Variants in ACOT7 observed in about 807,000 individuals in gnomAD.
ACOT7 encodes cytosolic acyl coenzyme A thioester hydrolase.
A neutral mutation model predicts 40.2 loss-of-function variants in ACOT7; 12 were observed. The observed-to-expected ratio is 0.30, with a 90% CI of 0.19 to 0.48. ACOT7 has a LOEUF of 0.48. Ranked by LOEUF, ACOT7 falls within the 20% of genes least tolerant of loss-of-function variation. The pLI is 0.99. For missense variants in ACOT7, 395 were observed against 530.8 expected (o/e 0.74, Z 2.51); for synonymous variants, 228 against 219.5 (o/e 1.04, Z -0.34).
chr1:6,377,269 C>T (rs1481243249), intron 1 of ACOT7, among the ~76,000 whole-genome samples: 2 of 152,098 alleles, frequency 1.3e-5, no homozygotes, highest in African/African-American at 4.8e-5. Context: ...AGTGTGGTAG[C>T]TCACGCTTAT....
intron 5 of ACOT7, among the ~76,000 whole-genome samples, 168 bp downstream of exon 5, chr1:6,327,131 G>A (rs928289932): frequency 3.9e-5 from 6 of 152,164 alleles, no homozygotes; most frequent in African/African-American, 1.4e-4. Context: ...CTCAGGGCGG[G>A]GCTGGGGGAC....
intron 1 of ACOT7, among the ~76,000 whole-genome samples, chr1:6,356,516 C>T (rs972774412): frequency 3.9e-5 from 6 of 152,188 alleles, no homozygotes; most frequent in African/African-American, 1.2e-4. Flanking sequence ...GGCCCCTGTG[C>T]GGTGACCTTG....
intron 5 of ACOT7, among the ~76,000 whole-genome samples, chr1:6,320,159 T>A (rs982350057): frequency 1.3e-5 from 2 of 152,206 alleles, no homozygotes; most frequent in African/African-American, 2.4e-5. Flanking sequence ...AGCAAAACTA[T>A]CGGGTTATGA....
intron 6 of ACOT7, among the ~76,000 whole-genome samples, chr1:6,316,320 C>T (rs1188062685): frequency 8.5e-4 from 129 of 152,180 alleles, no homozygotes; most frequent in Non-Finnish European, 1.8e-4. Flanking sequence ...GCCTCTGAGG[C>T]AACAGCTGTT....
chr1:6,336,721 C>T (rs954292622), intron 3 of ACOT7, among the ~76,000 whole-genome samples: 1 of 152,058 alleles, frequency 6.6e-6, no homozygotes, highest in African/African-American at 2.4e-5. Flanking sequence ...CAGTGCTCCC[C>T]GTGTGCCCAC....
chr1:6,344,427 AC>A (rs1390450374), intron 2 of ACOT7, among the ~76,000 whole-genome samples: 1 of 152,186 alleles, frequency 6.6e-6, no homozygotes, highest in Non-Finnish European at 1.5e-5. Flanking sequence ...GCAGAAGGCC[AC>A]TGATGACCCT....
At chr1:6,388,933 C>A (rs1642486472) in intron 1 of ACOT7, among the ~76,000 whole-genome samples, 1 of 149,898 alleles carries the variant, frequency 6.7e-6, no homozygotes, top group African/African-American at 2.5e-5. Flanking sequence ...CCCAGCTACT[C>A]AGGAGGCTGA....
At chr1:6,371,355 G>C (rs1006509911) in intron 1 of ACOT7, among the ~76,000 whole-genome samples, 3 of 139,210 alleles carry the variant, frequency 2.2e-5, no homozygotes, top group African/African-American at 3.2e-5. Flanking sequence ...AAGAGAGTCA[G>C]CCTGTCCTTT....
At position 6,342,376 on chromosome 1, in the gene ACOT7, C is replaced by T. The variant is rs144983760; in HGVS notation, c.262-2787G>A. ...TGAGAATTTCAACACATGAGAGACA[C>T]GAACACTCAGACGGTGGCTGTGTCT... On this transcript the variant is annotated intron_variant, in intron 2 of 8. Transcript: ENST00000361521. Among the ~76,000 whole-genome samples the T allele has an allele frequency of 5.9e-3, 898 of 152,256 alleles. 13 individuals are homozygous for T. Among genetic ancestry groups the T allele is most frequent in the African/African-American group, 0.019 (804 of 41,546 alleles).
chr1:6,315,547 C>A (rs1269476654), intron 6 of ACOT7, among the ~76,000 whole-genome samples: 1 of 151,814 alleles, frequency 6.6e-6, no homozygotes, highest in African/African-American at 2.4e-5. Flanking sequence ...GTCAGGAGAT[C>A]GAGACCATCC....
rs1228080403 is a variant in ACOT7 at position 6,303,627 on chromosome 1, C to T, written c.713-8647G>A. On this transcript the variant is annotated intron_variant, in intron 6 of 8. Transcript: ENST00000361521. ...CATTTCTATATTTAATCCCAACTGA[C>T]GGAGCGTGGGCGCCGGCCTCCTATA... Among the ~76,000 whole-genome samples, 7 of 152,302 alleles carry T rather than the reference C, an allele frequency of 4.6e-5. 1 individual carries two copies. The South Asian group carries it at 6.2e-4, about 14-fold the overall frequency.
intron 2 of ACOT7, among the ~76,000 whole-genome samples, chr1:6,341,736 C>G (rs1038556291): frequency 2.6e-5 from 4 of 151,704 alleles, no homozygotes; most frequent in South Asian, 2.1e-4. Flanking sequence ...AGCGAGACTC[C>G]GTCTCAAAAA....
intron 2 of ACOT7, among the ~76,000 whole-genome samples, chr1:6,341,129 G>A (rs1641265962): frequency 6.6e-6 from 1 of 151,898 alleles, no homozygotes; most frequent in Admixed American, 6.6e-5. Context: ...GTTGTGACAT[G>A]GCTCTTTGCA....
Position 6,264,446 on chromosome 1 carries a change from G to C in ACOT7, c.*151C>G. 1 of 640,558 alleles carries C rather than the reference G, an allele frequency of 1.6e-6. No individual in the cohort carries two copies. Among genetic ancestry groups the C allele is most frequent in the Non-Finnish European group, 2.7e-6 (1 of 370,482 alleles). The allele number at this position is 640,558 out of a possible 1,614,324, so 39.7% of individuals were successfully genotyped here. The stretch of plus-strand genomic sequence containing the variant: ...CTTTGGTGTGTAGGTTTGCAGGAGA[G>C]AGTACAGGTTAACACTGTGATACGA... On this transcript the variant is annotated 3_prime_UTR_variant, in exon 9 of 9. Coordinates refer to ENST00000361521, the MANE Select transcript of ACOT7 (RefSeq NM_007274.4).
At chr1:6,385,237 G>A (rs1267158244) in intron 1 of ACOT7, among the ~76,000 whole-genome samples, 3 of 151,816 alleles carry the variant, frequency 2.0e-5, no homozygotes, top group Non-Finnish European at 4.4e-5. Context: ...GATTCCCACA[G>A]CCCAGGGTTG....
In ACOT7 at chr1:6,306,179, G is replaced by A; in HGVS notation, c.713-11199C>T. On this transcript the variant is annotated intron_variant, in intron 6 of 8. Coordinates refer to ENST00000361521, the MANE Select transcript of ACOT7 (RefSeq NM_007274.4). The surrounding 1 kb of genome is among the most constrained non-coding windows in gnomAD (Gnocchi z 4.3). ...GGCTCGGCATCAGAGGGAGACCGTGGCAAGAGAGGGAGAGGGAGACCGTGG... is the reference window on the plus strand; with the variant it reads ...GGCTCGGCATCAGAGGGAGACCGTGACAAGAGAGGGAGAGGGAGACCGTGG... The A allele has an allele frequency of 1.1e-6, 1 of 910,516 alleles. No individual in the cohort carries two copies. Among genetic ancestry groups the A allele is most frequent in the Non-Finnish European group, 1.3e-6 (1 of 765,090 alleles). 56.4% of individuals were successfully genotyped at this position (910,516 alleles called of 1,614,324 possible). A position where few individuals can be genotyped will look rare whatever the true frequency, so the allele number is the denominator to read the frequency against.
intron 7 of ACOT7, among the ~76,000 whole-genome samples, chr1:6,286,251 A>T (rs1639499384): frequency 6.6e-6 from 1 of 152,204 alleles, no homozygotes. Flanking sequence ...TTAACCAAGA[A>T]CAGCATCTCC....
rs774046612 is a variant in ACOT7, at chr1:6,264,832, G to A, written c.1015-137C>T. ...TGGTGCATGCTGAGTACCACGCCTC[G>A]GCCCCGCTGGCCTCCTGGGACTGCC... On this transcript the variant is annotated intron_variant, in intron 8 of 8. Coordinates refer to ENST00000361521, the MANE Select transcript of ACOT7 (RefSeq NM_007274.4). 3.5e-5 allele frequency: 29 copies of A among 820,854 alleles called. No homozygotes were observed. The Middle Eastern group carries it at 1.2e-3, about 35-fold the overall frequency. 50.8% of individuals were successfully genotyped at this position (820,854 alleles called of 1,614,324 possible). A position where few individuals can be genotyped will look rare whatever the true frequency, so the allele number is the denominator to read the frequency against.
rs60404741 is a variant in ACOT7, at chr1:6,369,398, C to CTTTTTT, written c.144-19538_144-19533dup. On this transcript the variant is annotated intron_variant, in intron 1 of 8. Coordinates refer to ENST00000361521, the MANE Select transcript of ACOT7 (RefSeq NM_007274.4). Reference sequence around the variant, plus strand: ...AGCCAGAGCCCCACAAAATGCATTTCTTTTTTTTTTTTTTTTTTTTTTTGT... The same window carrying CTTTTTT: ...AGCCAGAGCCCCACAAAATGCATTTCTTTTTTTTTTTTTTTTTTTTTTTTTTTTTGT... Among the ~76,000 whole-genome samples the CTTTTTT allele has an allele frequency of 3.0e-3, 307 of 100,912 alleles. 6 individuals are homozygous for CTTTTTT. The highest frequency in any genetic ancestry group is 4.4e-3 in the African/African-American group (102 of 23,272). The allele number at this position is 100,912 out of a possible 152,430, so 66.2% of individuals were successfully genotyped here.
Sources: gnomAD v4.1 joint callset for allele counts (sites outside exome capture counted in the v4.1 genomes callset) on GRCh38, gnomAD v4.1.1 for gene constraint, Gnocchi (gnomAD v3.1) non-coding constraint, MANE v1.5 for transcripts, NCBI Gene and HGNC (gene_info 2026-07-23, HGNC 2026-07-21) for gene names.